RFX7: variants seen among roughly 807,000 people sequenced by gnomAD.
The protein encoded by RFX7 is DNA-binding protein RFX7.
In RFX7, 26 loss-of-function variants were observed where a neutral mutation model predicts 111.8. That is an observed-to-expected ratio of 0.23 (90% CI 0.17 to 0.32). RFX7 has a LOEUF of 0.32. RFX7 is among the 10% of genes least tolerant of loss of function. The pLI, the probability that RFX7 is intolerant of heterozygous loss-of-function variation, is 1.00. For synonymous variants in RFX7, 624 were observed against 624.4 expected (o/e 1.00, Z 0.01); for missense variants, 1,573 against 1,772.9 (o/e 0.89, Z 2.02).
At chr15:56,114,163 G>A (rs142449279) in intron 5 of RFX7, among the ~76,000 whole-genome samples, 1,928 of 152,180 alleles carry the variant, frequency 0.013, 21 homozygotes, top group Non-Finnish European at 0.021. Flanking sequence ...CTAGCGCTCT[G>A]GGAGGCCGAG....
At chr15:56,184,155 G>A (rs2043008840) in intron 2 of RFX7, among the ~76,000 whole-genome samples, 1 of 150,464 alleles carries the variant, frequency 6.6e-6, no homozygotes, top group Admixed American at 6.6e-5. Flanking sequence ...GAGTAGCTGG[G>A]ATTAGAGGCA....
At chr15:56,133,123 A>G (rs1483443403) in intron 5 of RFX7, among the ~76,000 whole-genome samples, 1 of 152,146 alleles carries the variant, frequency 6.6e-6, no homozygotes, top group African/African-American at 2.4e-5. Context: ...TATACATTTT[A>G]TAATTAGAAA....
chr15:56,236,470 C>T (rs2043624875), intron 2 of RFX7, among the ~76,000 whole-genome samples: 1 of 152,074 alleles, frequency 6.6e-6, no homozygotes, highest in African/African-American at 2.4e-5. Flanking sequence ...AACTAAAAGA[C>T]TAAACAGAAA....
intron 2 of RFX7, among the ~76,000 whole-genome samples, chr15:56,219,026 C>T (rs918733347): frequency 1.3e-5 from 2 of 152,110 alleles, no homozygotes; most frequent in Admixed American, 1.3e-4. Context: ...TGAAAACATA[C>T]AAACATTAAT....
At position 56,204,019 on chromosome 15, in the gene RFX7, C is replaced by CTT. The variant is rs139030100; in HGVS notation, c.162-24718_162-24717dup. Among the ~76,000 whole-genome samples the CTT allele has an allele frequency of 5.8e-3, 699 of 120,798 alleles. 22 individuals carry two copies. The highest frequency in any genetic ancestry group is 0.016 in the African/African-American group (480 of 30,392). 79.2% of individuals were successfully genotyped at this position (120,798 alleles called of 152,430 possible). ...TGGGACCTCTTTTCTGTAACAAAACCTTTTTTTTTTTTTTTTTTGAGATGG... is the reference window on the plus strand; with the variant it reads ...TGGGACCTCTTTTCTGTAACAAAACCTTTTTTTTTTTTTTTTTTTTGAGATGG... On this transcript the variant is annotated intron_variant, in intron 2 of 9. Coordinates refer to ENST00000559447, the MANE Select transcript of RFX7 (RefSeq NM_022841.7).
intron 2 of RFX7, among the ~76,000 whole-genome samples, chr15:56,182,783 C>T (rs887818963): frequency 2.6e-5 from 4 of 152,064 alleles, no homozygotes; most frequent in East Asian, 3.9e-4. Context: ...TTTCTACAAA[C>T]GATACTGCCA....
At chr15:56,198,612 A>T (rs1205401690) in intron 2 of RFX7, among the ~76,000 whole-genome samples, 1 of 152,304 alleles carries the variant, frequency 6.6e-6, no homozygotes, top group East Asian at 1.9e-4. Context: ...TCTTCAACAA[A>T]TAAAAAACTT....
intron 5 of RFX7, among the ~76,000 whole-genome samples, 196 bp downstream of exon 5, chr15:56,142,582 T>C (rs1043532759): frequency 2.6e-5 from 4 of 152,166 alleles, no homozygotes; most frequent in Non-Finnish European, 5.9e-5. Flanking sequence ...GAAATCCTTT[T>C]ATTCATTAAT....
chr15:56,100,707 T>A (rs967538772), intron 8 of RFX7, among the ~76,000 whole-genome samples: 3 of 152,154 alleles, frequency 2.0e-5, no homozygotes, highest in Non-Finnish European at 4.4e-5. Context: ...AAGATATTTT[T>A]AAAAATTCAT....
chr15:56,136,978 T>C (rs1358668325), intron 5 of RFX7, among the ~76,000 whole-genome samples: 1 of 150,478 alleles, frequency 6.6e-6, no homozygotes, highest in East Asian at 1.9e-4. Flanking sequence ...CACTTGATCA[T>C]GGTGGATAAG....
chr15:56,167,488 C>A lies in RFX7; in HGVS notation c.195+11782G>T, dbSNP rs967905463. On this transcript the variant is annotated intron_variant, in intron 3 of 9. Coordinates refer to ENST00000559447, the MANE Select transcript of RFX7 (RefSeq NM_022841.7). ...GATATATCAAGGGTAAAATATTACC[C>A]TCACTAGTAAACTAATTATGAAAAA... Among the ~76,000 whole-genome samples the A allele has an allele frequency of 2.6e-5, 4 of 152,072 alleles. No homozygotes were observed. The East Asian group carries it at 5.8e-4, about 22-fold the overall frequency.
intron 5 of RFX7, among the ~76,000 whole-genome samples, chr15:56,126,529 T>C (rs939072605): frequency 6.6e-6 from 1 of 152,132 alleles, no homozygotes; most frequent in East Asian, 1.9e-4. Flanking sequence ...AGAAAACAAA[T>C]AGCAAAATGG....
chr15:56,230,676 A>G (rs538504075), intron 2 of RFX7, among the ~76,000 whole-genome samples: 2 of 152,230 alleles, frequency 1.3e-5, no homozygotes, highest in Non-Finnish European at 2.9e-5. Flanking sequence ...AAAAAAAATG[A>G]GTGATTAAGT....
At chr15:56,239,001 T>C (rs2043656448) in intron 2 of RFX7, among the ~76,000 whole-genome samples, 1 of 151,844 alleles carries the variant, frequency 6.6e-6, no homozygotes, top group Admixed American at 6.6e-5. Context: ...ACCTGGATAA[T>C]TTTTTGGATT....
chr15:56,183,474 A>G (rs1440260648), intron 2 of RFX7, among the ~76,000 whole-genome samples: 1 of 152,156 alleles, frequency 6.6e-6, no homozygotes, highest in African/African-American at 2.4e-5. Context: ...TACAGTATAT[A>G]CTACTTCCAT....
intron 2 of RFX7, among the ~76,000 whole-genome samples, chr15:56,187,879 A>G (rs1211590707): frequency 6.6e-6 from 1 of 152,200 alleles, no homozygotes; most frequent in South Asian, 2.1e-4. Context: ...TCCAAAGTCT[A>G]TAACATATCA....
At chr15:56,209,749 T>C (rs2043291581) in intron 2 of RFX7, among the ~76,000 whole-genome samples, 1 of 152,014 alleles carries the variant, frequency 6.6e-6, no homozygotes, top group Non-Finnish European at 1.5e-5. Flanking sequence ...TAACTAAAAG[T>C]GGACCTGGAT....
At chr15:56,173,435 T>C (rs1417994261) in intron 3 of RFX7, among the ~76,000 whole-genome samples, 3 of 152,192 alleles carry the variant, frequency 2.0e-5, no homozygotes, top group African/African-American at 7.2e-5. Flanking sequence ...GTATTACATA[T>C]GCAAAGAAGC....
chr15:56,148,730 T>C (rs1249801193), intron 3 of RFX7, among the ~76,000 whole-genome samples: 3 of 152,200 alleles, frequency 2.0e-5, no homozygotes, highest in Non-Finnish European at 2.9e-5. Context: ...CTTGTAGTCA[T>C]GTGATTATTA....
Sources: gnomAD v4.1 joint callset for allele counts (sites outside exome capture counted in the v4.1 genomes callset) on GRCh38, gnomAD v4.1.1 for gene constraint, MANE v1.5 for transcripts, NCBI Gene and HGNC (gene_info 2026-07-23, HGNC 2026-07-21) for gene names.